FKTN: variants seen among roughly 807,000 people sequenced by gnomAD.
The protein encoded by FKTN is fukutin, also known as ribitol-5-phosphate transferase FKTN.
FKTN carries 47 observed loss-of-function variants against 58.6 expected under a neutral mutation model. The observed-to-expected ratio is 0.80, with a 90% CI of 0.63 to 1.02. FKTN has a LOEUF of 1.02. Ranked by LOEUF, FKTN falls within the 50% of genes least tolerant of loss-of-function variation. The pLI is 0.00. For synonymous variants in FKTN, 178 were observed against 191.9 expected (o/e 0.93, Z 0.60); for missense variants, 516 against 537.3 (o/e 0.96, Z 0.39).
chr9:105,639,924 AC>A lies in FKTN; in HGVS notation c.*4662del. ...TAGCCTTTCCTAGATGTAAATCTTT[AC>A]CTCCTTGTTAGTGAAATTAGATATA... On this transcript the variant is annotated 3_prime_UTR_variant, in exon 11 of 11. Transcript: ENST00000357998. The A allele has an allele frequency of 6.9e-7, 1 of 1,449,650 alleles. No homozygotes were observed. The allele number at this position is 1,449,650 out of a possible 1,614,324, so 89.8% of individuals were successfully genotyped here.
At chr9:105,605,847 CTA>C (rs2132842841) in intron 6 of FKTN, among the ~76,000 whole-genome samples, 1 of 152,096 alleles carries the variant, frequency 6.6e-6, no homozygotes, top group Admixed American at 6.5e-5. Flanking sequence ...AACAAGGTGA[CTA>C]TAGTAAAAAA....
intron 4 of FKTN, among the ~76,000 whole-genome samples, chr9:105,600,696 T>C (rs1827715746): frequency 6.6e-6 from 1 of 152,158 alleles, no homozygotes; most frequent in Non-Finnish European, 1.5e-5. Context: ...CTGAATTTTG[T>C]TTTTGAAAGA....
chr9:105,559,524 A>G (rs558169407), intron 1 of FKTN, among the ~76,000 whole-genome samples: 1 of 152,132 alleles, frequency 6.6e-6, no homozygotes, highest in Non-Finnish European at 1.5e-5. Context: ...CTCTACTAAA[A>G]ATACAACAAA....
rs1834235362 is a variant in FKTN, at chr9:105,638,842, T to C, written c.*3578T>C. 1.5e-5 allele frequency: 15 copies of C among 984,864 alleles called. No homozygotes were observed. Among genetic ancestry groups the C allele is most frequent in the Non-Finnish European group, 1.8e-5 (15 of 829,422 alleles). 61.0% of individuals were successfully genotyped at this position (984,864 alleles called of 1,614,324 possible). On this transcript the variant is annotated 3_prime_UTR_variant, in exon 11 of 11. Coordinates refer to ENST00000357998, the MANE Select transcript of FKTN (RefSeq NM_001079802.2). The stretch of plus-strand genomic sequence containing the variant: ...TTTTTGAGTTTGTGACCTCAAACCA[T>C]TGTTTTTATTCTTACACGACTACAG...
chr9:105,571,994 C>A (rs1244450520), intron 1 of FKTN, among the ~76,000 whole-genome samples: 1 of 152,068 alleles, frequency 6.6e-6, no homozygotes, highest in African/African-American at 2.4e-5. Context: ...CTTTTGGTCC[C>A]AAGCATTTTG....
chr9:105,623,391 A>G (rs1832287671), intron 10 of FKTN, among the ~76,000 whole-genome samples: 1 of 152,210 alleles, frequency 6.6e-6, no homozygotes, highest in Non-Finnish European at 1.5e-5. Flanking sequence ...AGTCAGACCT[A>G]GGTGTGTATC....
intron 10 of FKTN, among the ~76,000 whole-genome samples, chr9:105,621,972 A>G (rs1327447745): frequency 1.3e-5 from 2 of 152,076 alleles, no homozygotes; most frequent in African/African-American, 4.8e-5. Flanking sequence ...ATATAAGCAT[A>G]TTTCAATTTT....
chr9:105,568,470 T>C (rs1183654666), intron 1 of FKTN, among the ~76,000 whole-genome samples: 1 of 152,062 alleles, frequency 6.6e-6, no homozygotes, highest in Non-Finnish European at 1.5e-5. Context: ...CATCAACAAG[T>C]GGGCAAAGGA....
In FKTN at chr9:105,607,937, C is replaced by A. The variant is rs377417974; in HGVS notation, c.766C>A (p.Arg256=). The change falls in exon 7 of 11, where the codon CGA becomes AGA. Residue 256 remains arginine, a synonymous_variant. Coordinates refer to ENST00000357998, the MANE Select transcript of FKTN (RefSeq NM_001079802.2). ...RFIECRYKEA[R]AFFQQYLDDN... is the part of the protein sequence containing the mutation. ...TATTGAGTGTAGGTATAAAGAAGCT[C>A]GAGCATTCTTTCAGGTTAGAGACAA... The A allele has an allele frequency of 7.4e-5, 119 of 1,611,730 alleles. No homozygotes were observed. Among genetic ancestry groups the A allele is most frequent in the Non-Finnish European group, 9.7e-5 (114 of 1,178,236 alleles).
intron 3 of FKTN, among the ~76,000 whole-genome samples, chr9:105,592,461 A>C (rs1041102461): frequency 2.0e-5 from 3 of 151,954 alleles, no homozygotes; most frequent in African/African-American, 7.3e-5. Flanking sequence ...ATATGGTGAA[A>C]CCCTGTCTCT....
chr9:105,621,987 G>A (rs1284113106), intron 10 of FKTN, among the ~76,000 whole-genome samples: 1 of 152,020 alleles, frequency 6.6e-6, no homozygotes, highest in Non-Finnish European at 1.5e-5. Context: ...AATTTTGATA[G>A]ATATTGCCAA....
At chr9:105,560,162 G>A (rs1838025396) in intron 1 of FKTN, among the ~76,000 whole-genome samples, 1 of 152,176 alleles carries the variant, frequency 6.6e-6, no homozygotes, top group African/African-American at 2.4e-5. Flanking sequence ...ATATTTATAT[G>A]TTTCAAGCAC....
rs116240219 is a variant in FKTN at position 105,594,522 on chromosome 9, C to T, written c.106-2076C>T. ...CCTGGAATCCCAGCACTTTGGGAGG[C>T]GGAAGCAAGTGGATCACTTGAGATC... On this transcript the variant is annotated intron_variant, in intron 3 of 10. Transcript: ENST00000357998. 9.1e-3 allele frequency among the ~76,000 whole-genome samples: 1,382 copies of T among 152,226 alleles called. 22 individuals are homozygous for T. Among genetic ancestry groups the T allele is most frequent in the African/African-American group, 0.032 (1,321 of 41,514 alleles).
intron 3 of FKTN, among the ~76,000 whole-genome samples, chr9:105,584,031 C>T (rs1327061227): frequency 6.6e-6 from 1 of 152,186 alleles, no homozygotes; most frequent in African/African-American, 2.4e-5. Flanking sequence ...TTGTTGAGAG[C>T]ATGAACATCA....
At chr9:105,598,254 A>G (rs1049259255) in intron 4 of FKTN, 4 of 377,268 alleles carry the variant, frequency 1.1e-5, no homozygotes, top group Admixed American at 3.7e-5. Flanking sequence ...CTGAATGACT[A>G]TATTTGCAAA....
chr9:105,581,726 C>G (rs1258667521), intron 3 of FKTN, among the ~76,000 whole-genome samples: 1 of 152,224 alleles, frequency 6.6e-6, no homozygotes, highest in Non-Finnish European at 1.5e-5. Context: ...CTTTGTTTAC[C>G]TAAGCAAGCC....
Position 105,596,657 on chromosome 9 carries a change from G to C in FKTN, c.165G>C (p.Trp55Cys), listed in dbSNP as rs1458332751. Residue 55 changes from tryptophan to cysteine, a missense_variant and splice_region_variant, in exon 4 of 11, where the codon TGG becomes TGC. Trp to Cys is a radical substitution (Grantham distance 215). Coordinates refer to ENST00000357998, the MANE Select transcript of FKTN (RefSeq NM_001079802.2). Reference protein sequence around the residue: ...GSRIGFDSTQWRAVKKFIMLT... With the variant: ...GSRIGFDSTQCRAVKKFIMLT... The stretch of plus-strand genomic sequence containing the variant: ...GAATTGGATTTGATAGCACACAGTG[G>C]GTATGTAGAATAAACAAGAAATTTC... 2 of 1,598,394 alleles carry C rather than the reference G, an allele frequency of 1.3e-6. No individual in the cohort carries two copies. Among genetic ancestry groups the C allele is most frequent in the East Asian group, 4.5e-5 (2 of 44,782 alleles).
At chr9:105,592,838 T>C (rs985677010) in intron 3 of FKTN, among the ~76,000 whole-genome samples, 8 of 152,204 alleles carry the variant, frequency 5.3e-5, no homozygotes, top group African/African-American at 1.9e-4. Context: ...TCATTGTCCA[T>C]ATCACTATAA....
At chr9:105,576,087 G>T (rs994717653) in intron 3 of FKTN, among the ~76,000 whole-genome samples, 2 of 151,536 alleles carry the variant, frequency 1.3e-5, no homozygotes, top group Non-Finnish European at 2.9e-5. Flanking sequence ...TTATTATGCA[G>T]CATTGTTACA....
Sources: allele counts gnomAD v4.1 joint callset (sites outside exome capture counted in the v4.1 genomes callset), GRCh38; gene constraint gnomAD v4.1.1; transcripts MANE v1.5; gene names NCBI Gene and HGNC (gene_info 2026-07-23, HGNC 2026-07-21).